Variants in SLC12A2 observed in about 807,000 individuals in gnomAD.
SLC12A2 encodes the protein Na-K-2Cl cotransporter 1.
In SLC12A2, 67 loss-of-function variants were observed where a neutral mutation model predicts 136.3. That is an observed-to-expected ratio of 0.49 (90% CI 0.40 to 0.60). The LOEUF (loss-of-function observed/expected upper bound fraction) is 0.60, where lower values mean the gene tolerates loss of function less well. Ranked by LOEUF, SLC12A2 falls within the 20% of genes least tolerant of loss-of-function variation. SLC12A2 has a pLI of 0.00. For missense variants in SLC12A2, 1,322 were observed against 1,534.7 expected (o/e 0.86, Z 2.32); for synonymous variants, 619 against 562.9 (o/e 1.10, Z -1.41).
intron 4 of SLC12A2, among the ~76,000 whole-genome samples, chr5:128,129,369 CATT>C (rs1230097076): frequency 4.0e-5 from 6 of 151,748 alleles, no homozygotes; most frequent in Non-Finnish European, 8.8e-5. Flanking sequence ...ACAAAATTGT[CATT>C]ATATAAATTA....
At chr5:128,163,649 G>C (rs966649925) in intron 17 of SLC12A2, among the ~76,000 whole-genome samples, 1 of 152,154 alleles carries the variant, frequency 6.6e-6, no homozygotes, top group Non-Finnish European at 1.5e-5. Context: ...TCTATACAGT[G>C]GTGAAGAGGA....
At chr5:128,151,015 G>A (rs1762683318) in intron 13 of SLC12A2, among the ~76,000 whole-genome samples, 1 of 151,688 alleles carries the variant, frequency 6.6e-6, no homozygotes, top group Admixed American at 6.6e-5. Context: ...GTCAAATACA[G>A]TAATGTGGAA....
chr5:128,184,800 G>C lies in SLC12A2; in HGVS notation c.3447G>C (p.Gln1149His), dbSNP rs1383626814. ...CTGTTTCATTTCAGACATACCGGCA[G>C]ATCAGGTTAAATGAGTTATTAAAGG... Reference protein sequence around the residue: ...LELYKTKTYRQIRLNELLKEH... With the variant: ...LELYKTKTYRHIRLNELLKEH... The change falls in exon 26 of 27, where the codon CAG (glutamine) becomes CAC (histidine). Residue 1149 changes from glutamine to histidine, a missense_variant. Around this residue, in one of 8 missense-constraint regions of SLC12A2, gnomAD observed 172 missense variants for 227.4 expected, o/e 0.76. Transcript: ENST00000262461. The C allele has an allele frequency of 6.2e-7, 1 of 1,610,298 alleles. No homozygotes were observed. The highest frequency in any genetic ancestry group is 1.7e-5 in the Admixed American group (1 of 59,984).
intron 19 of SLC12A2, 129 bp from the exon 20 acceptor site, chr5:128,174,412 G>C: frequency 1.6e-6 from 1 of 631,636 alleles, no homozygotes; most frequent in Non-Finnish European, 2.6e-6. Flanking sequence ...GATTATCATA[G>C]TTGTTTAAAT....
chr5:128,088,245 T>C (rs73784509), intron 1 of SLC12A2, among the ~76,000 whole-genome samples: 3,175 of 152,102 alleles, frequency 0.021, 120 homozygotes, highest in African/African-American at 0.072. Flanking sequence ...TACTGTCAAA[T>C]AGCCTGGAGA....
intron 5 of SLC12A2, among the ~76,000 whole-genome samples, chr5:128,133,102 A>G (rs1354551431): frequency 6.6e-6 from 1 of 152,060 alleles, no homozygotes; most frequent in African/African-American, 2.4e-5. Context: ...TGATTTTCCA[A>G]ATGCTATAGG....
At chr5:128,125,147 A>G (rs181925353) in intron 4 of SLC12A2, among the ~76,000 whole-genome samples, 16 of 152,348 alleles carry the variant, frequency 1.1e-4, no homozygotes, top group African/African-American at 3.4e-4. Flanking sequence ...AACTCTTAAA[A>G]CAATAATAAG....
At chr5:128,182,619 C>G (rs566661247) in intron 23 of SLC12A2, among the ~76,000 whole-genome samples, 1 of 152,200 alleles carries the variant, frequency 6.6e-6, no homozygotes, top group South Asian at 2.1e-4. Flanking sequence ...TTGTCCATTA[C>G]TCAGTGCTAA....
intron 4 of SLC12A2, among the ~76,000 whole-genome samples, chr5:128,125,153 A>G (rs1240139296): frequency 6.6e-6 from 1 of 152,252 alleles, no homozygotes; most frequent in Non-Finnish European, 1.5e-5. Context: ...TAAAACAATA[A>G]TAAGAGATAG....
chr5:128,143,901 T>C (rs1408937424), intron 10 of SLC12A2, among the ~76,000 whole-genome samples: 1 of 142,226 alleles, frequency 7.0e-6, no homozygotes, highest in East Asian at 1.9e-4. Context: ...TAAATAAAAT[T>C]ATTTATAATA....
In SLC12A2 at chr5:128,151,365, G is replaced by A. The variant is rs779042005; in HGVS notation, c.2232G>A (p.Gly744=). The change falls in exon 14 of 27, where the codon GGG becomes GGA. Residue 744 remains glycine (G), a synonymous_variant. Transcript: ENST00000262461. ...AALLTYVIVL[G]LYIYVTYKKP... The stretch of plus-strand genomic sequence containing the variant: ...TGCTAACATATGTGATAGTCCTTGG[G>A]CTGTATATTTATGTTACCTACAAAA... 6.2e-7 allele frequency: 1 copy of A among 1,610,072 alleles called. No individual in the cohort carries two copies. The highest frequency in any genetic ancestry group is 1.1e-5 in the South Asian group (1 of 90,226).
chr5:128,162,971 A>G (rs1463123614), intron 17 of SLC12A2, among the ~76,000 whole-genome samples: 4 of 152,022 alleles, frequency 2.6e-5, no homozygotes, highest in South Asian at 2.1e-4. Context: ...CTGATCAGCT[A>G]TCATTAGTGT....
At chr5:128,104,264 C>T (rs911752066) in intron 1 of SLC12A2, among the ~76,000 whole-genome samples, 1 of 152,170 alleles carries the variant, frequency 6.6e-6, no homozygotes, top group African/African-American at 2.4e-5. Flanking sequence ...CCAGCCCTCT[C>T]TACCAGAATA....
chr5:128,085,701 G>A (rs1222159267), intron 1 of SLC12A2, among the ~76,000 whole-genome samples: 1 of 152,202 alleles, frequency 6.6e-6, no homozygotes, highest in Non-Finnish European at 1.5e-5. Flanking sequence ...CACATAGGTT[G>A]AAATGATCAC....
At chr5:128,127,419 C>T (rs902408013) in intron 4 of SLC12A2, among the ~76,000 whole-genome samples, 5 of 151,958 alleles carry the variant, frequency 3.3e-5, no homozygotes, top group Non-Finnish European at 7.4e-5. Flanking sequence ...CCGTGCCTAG[C>T]CTGGAATTTT....
At chr5:128,123,133 T>C (rs1402826782) in intron 4 of SLC12A2, among the ~76,000 whole-genome samples, 1 of 152,114 alleles carries the variant, frequency 6.6e-6, no homozygotes, top group Admixed American at 6.5e-5. Context: ...TCCAAAATTG[T>C]TTGCTGCAGA....
chr5:128,084,720 C>A lies in SLC12A2; in HGVS notation c.756+10C>A, dbSNP rs1237247640. On this transcript the variant is annotated intron_variant, in intron 1 of 26. Coordinates refer to ENST00000262461, the MANE Select transcript of SLC12A2 (RefSeq NM_001046.3). The surrounding 1 kb of genome is among the most constrained non-coding windows in gnomAD (Gnocchi z 5.6). ...CGACGAGCTGGAAAAGGTGAGCTCG[C>A]CCAGCCCTCCCTTCTTCCCCAGCCC... 2 of 1,561,248 alleles carry A rather than the reference C, an allele frequency of 1.3e-6. No individual in the cohort carries two copies. Among genetic ancestry groups the A allele is most frequent in the East Asian group, 2.3e-5 (1 of 42,634 alleles).
chr5:128,136,555 C>G (rs568939094), intron 7 of SLC12A2, among the ~76,000 whole-genome samples: 1 of 152,196 alleles, frequency 6.6e-6, no homozygotes, highest in South Asian at 2.1e-4. Context: ...TCACATCTGG[C>G]TTTTGTTGGT....
intron 1 of SLC12A2, among the ~76,000 whole-genome samples, chr5:128,111,852 A>T (rs1761159965): frequency 6.6e-6 from 1 of 151,802 alleles, no homozygotes; most frequent in Non-Finnish European, 1.5e-5. Flanking sequence ...GGAGAGAGAG[A>T]ATTCACTAAA....
Sources: allele counts gnomAD v4.1 joint callset (sites outside exome capture counted in the v4.1 genomes callset), GRCh38; gene constraint gnomAD v4.1.1; regional missense constraint gnomAD v4.1.1; non-coding constraint Gnocchi (gnomAD v3.1); transcripts MANE v1.5; gene names NCBI Gene and HGNC (gene_info 2026-07-23, HGNC 2026-07-21).